The following PDE2A variants were observed in gnomAD, a reference collection of about 807,000 sequenced individuals.
PDE2A encodes the protein cGMP-dependent 3',5'-cyclic phosphodiesterase.
Under a neutral mutation model 133.6 loss-of-function variants are expected in PDE2A, and 53 were observed. That is an observed-to-expected ratio of 0.40 (90% CI 0.32 to 0.50). PDE2A has a LOEUF of 0.50. Among genes scored for constraint, PDE2A ranks in the 20% least tolerant of loss-of-function variants. The pLI is 0.73. For missense variants in PDE2A, 796 were observed against 1,232.4 expected, an observed-to-expected ratio of 0.65 and a Z score of 5.30; for synonymous variants, 491 against 490.2, an observed-to-expected ratio of 1.00 and a Z score of -0.02.
chr11:72,591,342 C>T lies in PDE2A; in HGVS notation c.504G>A (p.Gln168=). The change falls in exon 7 of 31, where the codon CAG becomes CAA. Residue 168 remains glutamine, a synonymous_variant. Coordinates refer to ENST00000334456, the MANE Select transcript of PDE2A (RefSeq NM_002599.5). ...VAAVILVHCG[Q]LSDNEEWSLQ... ...GGCTCCATTCCTCATTATCACTCAGCTGGCCACAGTGCACCTGGAGGGATG... is the reference window on the plus strand; with the variant it reads ...GGCTCCATTCCTCATTATCACTCAGTTGGCCACAGTGCACCTGGAGGGATG... The T allele has an allele frequency of 3.7e-6, 6 of 1,613,842 alleles. No individual in the cohort carries two copies. The highest frequency in any genetic ancestry group is 5.1e-6 in the Non-Finnish European group (6 of 1,179,770).
At chr11:72,598,672 G>A in intron 4 of PDE2A, 3 of 1,286,604 alleles carry the variant, frequency 2.3e-6, no homozygotes, top group Non-Finnish European at 3.0e-6. Flanking sequence ...GCCCAGCAAA[G>A]GTCACATGAG....
At chr11:72,646,745 T>G (rs758843656) in intron 1 of PDE2A, among the ~76,000 whole-genome samples, 12 of 152,208 alleles carry the variant, frequency 7.9e-5, no homozygotes, top group Non-Finnish European at 1.8e-4. Flanking sequence ...CCTGAACCTC[T>G]GGCTTTTCTT....
intron 2 of PDE2A, among the ~76,000 whole-genome samples, chr11:72,623,510 A>AT (rs531030652): frequency 1.4e-3 from 210 of 151,650 alleles, no homozygotes; most frequent in Non-Finnish European, 2.4e-3. Flanking sequence ...CAAACCCCCC[A>AT]TGCCTGTCGA....
Position 72,590,225 on chromosome 11 carries a change from A to G in PDE2A, c.723T>C (p.Asp241=), listed in dbSNP as rs1302021032. 6.4e-7 allele frequency: 1 copy of G among 1,551,726 alleles called. No individual in the cohort carries two copies. The highest frequency in any genetic ancestry group is 1.2e-5 in the South Asian group (1 of 84,072). The change falls in exon 9 of 31, where the codon GAT becomes GAC. Residue 241 remains aspartate (D), a synonymous_variant. Coordinates refer to ENST00000334456, the MANE Select transcript of PDE2A (RefSeq NM_002599.5). This position sits in a 1 kb window ranked among gnomAD's most constrained non-coding sequence, Gnocchi z 4.8. Reference sequence around the variant, plus strand: ...GCACTTTGAGCTGCAGGGAAGAGGCATCCAGGTCGTAGAGTTCCCCTGCAA... The same window carrying G: ...GCACTTTGAGCTGCAGGGAAGAGGCGTCCAGGTCGTAGAGTTCCCCTGCAA... The part of the protein sequence containing the change: ...LQLCGELYDL[D]ASSLQLKVLQ...
chr11:72,585,276 G>A lies in PDE2A; in HGVS notation c.1286+95C>T, dbSNP rs530177375. 8.9e-6 allele frequency: 9 copies of A among 1,015,078 alleles called. 1 individual carries two copies. The East Asian group carries it at 1.8e-4, about 20-fold the overall frequency. 62.9% of individuals were successfully genotyped at this position (1,015,078 alleles called of 1,614,324 possible). Reference sequence around the variant, plus strand: ...CAAAAGGTGATGAAGTCCCGCAGAAGGCAGAGAAAGGGAAGTGGGTGGGGC... The same window carrying A: ...CAAAAGGTGATGAAGTCCCGCAGAAAGCAGAGAAAGGGAAGTGGGTGGGGC... On this transcript the variant is annotated intron_variant, in intron 16 of 30. Coordinates refer to ENST00000334456, the MANE Select transcript of PDE2A (RefSeq NM_002599.5).
Position 72,590,634 on chromosome 11 carries a change from C to A in PDE2A, c.550-54G>T, listed in dbSNP as rs937280101. On this transcript the variant is annotated intron_variant, in intron 7 of 30. Coordinates refer to ENST00000334456, the MANE Select transcript of PDE2A (RefSeq NM_002599.5). The surrounding 1 kb of genome is among the most constrained non-coding windows in gnomAD (Gnocchi z 4.8). The stretch of plus-strand genomic sequence containing the variant: ...GCTCGCCCCAAGCTCGCTGCGCTTG[C>A]TGCAGCGGGATTCCTGCCTTTGCTC... The A allele has an allele frequency of 1.5e-6, 2 of 1,317,866 alleles. No homozygotes were observed. Among genetic ancestry groups the A allele is most frequent in the African/African-American group, 3.1e-5 (2 of 64,506 alleles). The allele number at this position is 1,317,866 out of a possible 1,614,324, so 81.6% of individuals were successfully genotyped here.
chr11:72,614,087 C>T lies in PDE2A; in HGVS notation c.145-5336G>A, dbSNP rs575325692. On this transcript the variant is annotated intron_variant, in intron 2 of 30. Transcript: ENST00000334456. ...CACCCAAGCTGACTCTATGCCTCCTCGCAGCCTTACAGCACCCCCAGCCTG... is the reference window on the plus strand; with the variant it reads ...CACCCAAGCTGACTCTATGCCTCCTTGCAGCCTTACAGCACCCCCAGCCTG... 3.9e-5 allele frequency among the ~76,000 whole-genome samples: 6 copies of T among 152,356 alleles called. No individual in the cohort carries two copies. In the South Asian group the frequency reaches 6.2e-4, roughly 16 times the overall value.
intron 4 of PDE2A, among the ~76,000 whole-genome samples, chr11:72,599,805 C>T (rs1256941228): frequency 6.6e-6 from 1 of 152,204 alleles, no homozygotes; most frequent in African/African-American, 2.4e-5. Flanking sequence ...ATATGCCTCA[C>T]TTGAGGAGGC....
intron 1 of PDE2A, among the ~76,000 whole-genome samples, chr11:72,667,151 G>A (rs943588668): frequency 2.6e-5 from 4 of 152,010 alleles, no homozygotes; most frequent in African/African-American, 9.7e-5. Context: ...ACACATGTGA[G>A]TATGTTCACA....
chr11:72,585,129 T>C, intron 16 of PDE2A, 185 bp from the exon 17 acceptor site: 1 of 555,826 alleles, frequency 1.8e-6, no homozygotes. Context: ...TTTTTTTTTT[T>C]GGAAGCACCT....
intron 6 of PDE2A, among the ~76,000 whole-genome samples, chr11:72,593,805 G>A (rs1475533095): frequency 6.6e-6 from 1 of 152,238 alleles, no homozygotes; most frequent in Non-Finnish European, 1.5e-5. Flanking sequence ...GAGAGCCCTC[G>A]CTGATGGCGT....
chr11:72,661,914 G>A (rs781042245), intron 1 of PDE2A, among the ~76,000 whole-genome samples: 1 of 152,218 alleles, frequency 6.6e-6, no homozygotes, highest in Admixed American at 6.5e-5. Flanking sequence ...GAATGATCCT[G>A]TGTCTGCTTT....
chr11:72,613,969 G>C (rs79262812), intron 2 of PDE2A, among the ~76,000 whole-genome samples: 1 of 152,208 alleles, frequency 6.6e-6, no homozygotes, highest in South Asian at 2.1e-4. Flanking sequence ...CCCAGTCAGG[G>C]TGACTGGCAG....
chr11:72,594,754 C>T (rs1253246172), intron 6 of PDE2A, among the ~76,000 whole-genome samples: 1 of 152,146 alleles, frequency 6.6e-6, no homozygotes, highest in Non-Finnish European at 1.5e-5. Context: ...TCCCCTTTCC[C>T]TTCTTCCCTG....
Position 72,579,563 on chromosome 11 carries a change from A to G in PDE2A, c.2227T>C (p.Cys743Arg), listed in dbSNP as rs1286282970. The change falls in exon 26 of 31, where the codon TGC becomes CGC. Residue 743 changes from cysteine (C) to arginine (R), a missense_variant. Coordinates refer to ENST00000334456, the MANE Select transcript of PDE2A (RefSeq NM_002599.5). The stretch of plus-strand genomic sequence containing the variant: ...CGGGAGAAATGATCAAAGATGTTGC[A>G]GCCGTGGGTGTTGAGGATGGCGATG... Reference protein sequence around the residue: ...QAIAILNTHGCNIFDHFSRKD... With the variant: ...QAIAILNTHGRNIFDHFSRKD... 1 of 1,602,700 alleles carries G rather than the reference A, an allele frequency of 6.2e-7. No individual in the cohort carries two copies. The highest frequency in any genetic ancestry group is 1.7e-5 in the Admixed American group (1 of 59,460).
Position 72,591,363 on chromosome 11 carries a change from G to A in PDE2A, c.490-7C>T, listed in dbSNP as rs376101608. On this transcript the variant is annotated splice_region_variant and splice_polypyrimidine_tract_variant and intron_variant, in intron 6 of 30. Transcript: ENST00000334456. Reference sequence around the variant, plus strand: ...TCAGCTGGCCACAGTGCACCTGGAGGGATGGGAGAAGGGAACTAGCTGTGA... The same window carrying A: ...TCAGCTGGCCACAGTGCACCTGGAGAGATGGGAGAAGGGAACTAGCTGTGA... The A allele has an allele frequency of 2.0e-5, 32 of 1,612,374 alleles. No homozygotes were observed. Among genetic ancestry groups the A allele is most frequent in the Non-Finnish European group, 2.6e-5 (31 of 1,178,676 alleles).
intron 2 of PDE2A, among the ~76,000 whole-genome samples, chr11:72,642,006 G>A (rs913271092): frequency 2.0e-5 from 3 of 152,268 alleles, no homozygotes; most frequent in Non-Finnish European, 4.4e-5. Context: ...CGGTCCCACC[G>A]TGGACTGGAA....
intron 1 of PDE2A, among the ~76,000 whole-genome samples, chr11:72,669,569 C>T (rs935275063): frequency 1.3e-5 from 2 of 152,138 alleles, no homozygotes; most frequent in African/African-American, 4.8e-5. Flanking sequence ...AGGGAGCCCA[C>T]GGCCACCACC....
chr11:72,628,327 G>T (rs1858188003), intron 2 of PDE2A, among the ~76,000 whole-genome samples: 1 of 149,702 alleles, frequency 6.7e-6, no homozygotes. Context: ...AAGAATGATA[G>T]AGGTTCTTTT....
Sources: allele counts gnomAD v4.1 joint callset (sites outside exome capture counted in the v4.1 genomes callset), GRCh38; gene constraint gnomAD v4.1.1; non-coding constraint Gnocchi (gnomAD v3.1); transcripts MANE v1.5; gene names NCBI Gene and HGNC (gene_info 2026-07-23, HGNC 2026-07-21).